VMP1: variants seen among roughly 807,000 people sequenced by gnomAD.
VMP1 encodes vacuole membrane protein 1.
VMP1 carries 11 observed loss-of-function variants against 56.0 expected under a neutral mutation model. That is an observed-to-expected ratio of 0.20 (90% CI 0.12 to 0.32). VMP1 has a LOEUF of 0.32. VMP1 is among the 10% of genes least tolerant of loss of function. The pLI is 1.00. For missense variants in VMP1, 296 were observed against 490.3 expected, an observed-to-expected ratio of 0.60 and a Z score of 3.74; for synonymous variants, 149 against 165.0, an observed-to-expected ratio of 0.90 and a Z score of 0.74.
rs367716913 is a variant in VMP1 at position 59,811,705 on chromosome 17, G to A, written c.831G>A (p.Thr277=). The change falls in exon 9 of 12, where the codon ACG becomes ACA. Residue 277 remains threonine, a synonymous_variant. Coordinates refer to ENST00000262291, the MANE Select transcript of VMP1 (RefSeq NM_030938.5). The part of the protein sequence containing the change: ...PNPLFDLAGI[T]CGHFLVPFWT... Reference sequence around the variant, plus strand: ...CTTTATTTGATCTGGCTGGAATAACGTGTGGACACTTTCTGGTACCTTTTT... The same window carrying A: ...CTTTATTTGATCTGGCTGGAATAACATGTGGACACTTTCTGGTACCTTTTT... 72 of 1,613,772 alleles carry A rather than the reference G, an allele frequency of 4.5e-5. No homozygotes were observed. Among genetic ancestry groups the A allele is most frequent in the Middle Eastern group, 1.6e-4 (1 of 6,062 alleles).
chr17:59,726,814 C>T (rs1018035826), intron 1 of VMP1, among the ~76,000 whole-genome samples: 13 of 152,054 alleles, frequency 8.5e-5, no homozygotes, highest in African/African-American at 2.9e-4. Context: ...TTTGTAATTG[C>T]TTGGGCTACA....
At chr17:59,714,027 C>T (rs1405211056) in intron 1 of VMP1, among the ~76,000 whole-genome samples, 5 of 129,174 alleles carry the variant, frequency 3.9e-5, no homozygotes, top group Admixed American at 2.8e-4. Context: ...CGCAACTGAG[C>T]GAGACTCCGT....
chr17:59,826,456 T>C (rs2038648787), intron 10 of VMP1, among the ~76,000 whole-genome samples: 1 of 152,228 alleles, frequency 6.6e-6, no homozygotes. Flanking sequence ...TTTAATTGTT[T>C]TGTAAATATT....
intron 1 of VMP1, among the ~76,000 whole-genome samples, chr17:59,723,382 G>A (rs865884955): frequency 6.6e-6 from 1 of 152,308 alleles, no homozygotes; most frequent in African/African-American, 2.4e-5. Context: ...CCAGGACATA[G>A]AGCAGGGGGA....
intron 5 of VMP1, among the ~76,000 whole-genome samples, chr17:59,744,663 A>G (rs2035360024): frequency 6.6e-6 from 1 of 150,870 alleles, no homozygotes; most frequent in African/African-American, 2.4e-5. Flanking sequence ...AGAAGGAAAG[A>G]GAGAGATGAA....
intron 1 of VMP1, among the ~76,000 whole-genome samples, chr17:59,725,688 C>T (rs2034575807): frequency 6.6e-6 from 1 of 151,910 alleles, no homozygotes; most frequent in Admixed American, 6.6e-5. Context: ...GTTTTTTAAA[C>T]TGCAAATTTA....
intron 10 of VMP1, among the ~76,000 whole-genome samples, chr17:59,822,876 A>G (rs1193549434): frequency 1.3e-5 from 2 of 152,162 alleles, no homozygotes; most frequent in Non-Finnish European, 2.9e-5. Context: ...CTAGGAATTC[A>G]GGACTAGCCT....
chr17:59,801,657 G>A (rs1393718850), intron 7 of VMP1, among the ~76,000 whole-genome samples: 1 of 152,122 alleles, frequency 6.6e-6, no homozygotes, highest in African/African-American at 2.4e-5. Context: ...CACTTTAGGA[G>A]GCCGAGGCAG....
At chr17:59,777,038 T>C (rs967277371) in intron 7 of VMP1, among the ~76,000 whole-genome samples, 3 of 152,170 alleles carry the variant, frequency 2.0e-5, no homozygotes, top group Non-Finnish European at 4.4e-5. Context: ...GATACCACTT[T>C]CCACTCGGTA....
intron 5 of VMP1, among the ~76,000 whole-genome samples, chr17:59,744,625 A>G (rs1284155827): frequency 6.7e-6 from 1 of 149,806 alleles, no homozygotes; most frequent in Non-Finnish European, 1.5e-5. Context: ...CCCCATCTCT[A>G]CCAGAAAAAA....
intron 5 of VMP1, among the ~76,000 whole-genome samples, chr17:59,757,604 G>A (rs1421304664): frequency 1.3e-5 from 2 of 151,972 alleles, no homozygotes; most frequent in African/African-American, 4.8e-5. Context: ...TCTAAGTATA[G>A]TTTGCTCTCA....
chr17:59,713,266 A>G (rs9903626), intron 1 of VMP1, among the ~76,000 whole-genome samples: 26,200 of 150,340 alleles, frequency 0.17, 3,074 homozygotes, highest in East Asian at 0.43. Context: ...TGGGGGAAGG[A>G]GGGAGGGATA....
At chr17:59,710,579 A>G (rs1191581113) in intron 1 of VMP1, among the ~76,000 whole-genome samples, 1 of 152,236 alleles carries the variant, frequency 6.6e-6, no homozygotes, top group Non-Finnish European at 1.5e-5. Flanking sequence ...TTAGTCTTAT[A>G]AATTGTAGCA....
intron 7 of VMP1, among the ~76,000 whole-genome samples, chr17:59,805,245 G>A (rs985526962): frequency 7.9e-5 from 12 of 152,190 alleles, no homozygotes; most frequent in African/African-American, 1.9e-4. Flanking sequence ...CTGAAAGAAC[G>A]AGAAGTCTGT....
chr17:59,744,032 G>T (rs894786323), intron 5 of VMP1, among the ~76,000 whole-genome samples: 1 of 151,362 alleles, frequency 6.6e-6, no homozygotes. Flanking sequence ...GTAGGTTTTT[G>T]TAGATATTAT....
intron 3 of VMP1, among the ~76,000 whole-genome samples, chr17:59,737,186 T>C (rs2035048154): frequency 1.3e-5 from 2 of 152,192 alleles, no homozygotes; most frequent in Non-Finnish European, 2.9e-5. Flanking sequence ...CTATAATGCT[T>C]CTCCATATTA....
At chr17:59,764,496 TA>T (rs2036166617) in intron 5 of VMP1, among the ~76,000 whole-genome samples, 1 of 152,198 alleles carries the variant, frequency 6.6e-6, no homozygotes, top group Non-Finnish European at 1.5e-5. Flanking sequence ...GCTAATTTTT[TA>T]AATTTTTGTA....
intron 7 of VMP1, among the ~76,000 whole-genome samples, chr17:59,778,103 G>A (rs551847621): frequency 3.3e-5 from 5 of 152,008 alleles, no homozygotes; most frequent in Admixed American, 6.6e-5. Flanking sequence ...GTCTTATATC[G>A]AAATGTTTTT....
chr17:59,731,423 C>A lies in VMP1; in HGVS notation c.-24C>A. 6.3e-7 allele frequency: 1 copy of A among 1,584,118 alleles called. No homozygotes were observed. The highest frequency in any genetic ancestry group is 1.2e-5 in the South Asian group (1 of 86,324). On this transcript the variant is annotated splice_region_variant and 5_prime_UTR_variant, in exon 2 of 12. Transcript: ENST00000262291. ...TGGATTTTATTTTGCTGTATTAGCT[C>A]CTCAAGAGTTACTGATCTATGAAAT...
Sources: allele counts gnomAD v4.1 joint callset (sites outside exome capture counted in the v4.1 genomes callset), GRCh38; gene constraint gnomAD v4.1.1; transcripts MANE v1.5; gene names NCBI Gene and HGNC (gene_info 2026-07-23, HGNC 2026-07-21).